MAML3: variants seen among roughly 807,000 people sequenced by gnomAD.
MAML3 encodes the protein mastermind-like protein 3.
Under a neutral mutation model 101.9 loss-of-function variants are expected in MAML3, and 27 were observed. The ratio of observed to expected loss-of-function variants is 0.27; its 90% confidence interval spans 0.20 to 0.37. The LOEUF (loss-of-function observed/expected upper bound fraction) is 0.37, where lower values mean the gene tolerates loss of function less well. Ranked by LOEUF, MAML3 falls within the 10% of genes least tolerant of loss-of-function variation. MAML3 has a pLI of 1.00. For missense variants in MAML3, 1,316 were observed against 1,444.9 expected (o/e 0.91, Z 1.45); for synonymous variants, 501 against 555.9 (o/e 0.90, Z 1.39).
intron 2 of MAML3, among the ~76,000 whole-genome samples, chr4:139,789,907 G>T (rs1448291934): frequency 6.6e-6 from 1 of 152,078 alleles, no homozygotes; most frequent in Non-Finnish European, 1.5e-5. Flanking sequence ...TGACTGAGAA[G>T]CTTGTGAACT....
At chr4:139,981,273 T>C (rs1734438600) in intron 1 of MAML3, among the ~76,000 whole-genome samples, 1 of 152,228 alleles carries the variant, frequency 6.6e-6, no homozygotes, top group Non-Finnish European at 1.5e-5. Context: ...ACACCAGACA[T>C]ATTGGCTTAG....
At chr4:140,118,052 T>C (rs937306965) in intron 1 of MAML3, among the ~76,000 whole-genome samples, 1 of 152,106 alleles carries the variant, frequency 6.6e-6, no homozygotes, top group Non-Finnish European at 1.5e-5. Context: ...ATGAGAATCA[T>C]GACACCCACA....
chr4:139,788,212 C>T (rs1287824298), intron 2 of MAML3, among the ~76,000 whole-genome samples: 1 of 152,184 alleles, frequency 6.6e-6, no homozygotes, highest in Non-Finnish European at 1.5e-5. Flanking sequence ...TAGCAGACAG[C>T]TCATTTTCCT....
intron 1 of MAML3, among the ~76,000 whole-genome samples, chr4:140,101,552 A>G (rs1728252329): frequency 6.6e-6 from 1 of 152,166 alleles, no homozygotes; most frequent in South Asian, 2.1e-4. Flanking sequence ...TCTACTCAGG[A>G]AGCCAGGAGA....
intron 1 of MAML3, among the ~76,000 whole-genome samples, chr4:140,045,181 G>A (rs1391483405): frequency 3.3e-5 from 5 of 152,146 alleles, no homozygotes; most frequent in Non-Finnish European, 7.3e-5. Context: ...GATCACCTGA[G>A]GTCAGGAGTT....
chr4:139,744,377 G>A (rs1397646896), intron 2 of MAML3, among the ~76,000 whole-genome samples: 1 of 152,064 alleles, frequency 6.6e-6, no homozygotes, highest in East Asian at 1.9e-4. Flanking sequence ...AAACAAATAA[G>A]CAAACAACCC....
At chr4:140,151,424 C>G (rs1405887989) in intron 1 of MAML3, among the ~76,000 whole-genome samples, 4 of 152,164 alleles carry the variant, frequency 2.6e-5, no homozygotes, top group Non-Finnish European at 5.9e-5. Flanking sequence ...GTCGCCTCCC[C>G]TCCCCCAAGC....
At chr4:140,095,606 G>A (rs1728143247) in intron 1 of MAML3, among the ~76,000 whole-genome samples, 1 of 151,766 alleles carries the variant, frequency 6.6e-6, no homozygotes, top group Admixed American at 6.6e-5. Context: ...TGCCCTTCTT[G>A]CCCCCTCTTC....
chr4:140,039,012 G>A (rs542620407), intron 1 of MAML3, among the ~76,000 whole-genome samples: 75 of 152,228 alleles, frequency 4.9e-4, no homozygotes, highest in Non-Finnish European at 1.1e-3. Context: ...CCAGCTACTC[G>A]GGAGGATGAG....
intron 2 of MAML3, among the ~76,000 whole-genome samples, chr4:139,763,427 A>C (rs879660559): frequency 6.6e-6 from 1 of 152,164 alleles, no homozygotes; most frequent in Non-Finnish European, 1.5e-5. Context: ...AGAAGTACGG[A>C]GCTAAAGAGG....
intron 2 of MAML3, among the ~76,000 whole-genome samples, chr4:139,800,398 T>C (rs946953217): frequency 2.6e-5 from 4 of 152,228 alleles, no homozygotes; most frequent in Admixed American, 2.6e-4. Context: ...GGACATAAAC[T>C]CCTGTGTATA....
At chr4:140,006,448 T>C (rs1353373685) in intron 1 of MAML3, among the ~76,000 whole-genome samples, 1 of 151,988 alleles carries the variant, frequency 6.6e-6, no homozygotes, top group Admixed American at 6.6e-5. Flanking sequence ...TAGCCAGGCA[T>C]GGTGGCGGGT....
At chr4:140,097,832 A>G (rs930067751) in intron 1 of MAML3, among the ~76,000 whole-genome samples, 50 of 152,206 alleles carry the variant, frequency 3.3e-4, no homozygotes, top group African/African-American at 1.1e-3. Context: ...AGTTACCACA[A>G]TATTTCCAAT....
chr4:140,126,729 C>A (rs1328642649), intron 1 of MAML3, among the ~76,000 whole-genome samples: 2 of 152,150 alleles, frequency 1.3e-5, no homozygotes, highest in Non-Finnish European at 2.9e-5. Context: ...ACCAGACATC[C>A]CTTCAGAATG....
chr4:139,721,405 T>C (rs1728228566), intron 4 of MAML3, among the ~76,000 whole-genome samples: 1 of 152,086 alleles, frequency 6.6e-6, no homozygotes, highest in Non-Finnish European at 1.5e-5. Flanking sequence ...AGAAGAAAAA[T>C]AGTTTTTTTC....
intron 2 of MAML3, among the ~76,000 whole-genome samples, chr4:139,837,301 C>T (rs1410154739): frequency 6.7e-6 from 1 of 150,206 alleles, no homozygotes; most frequent in Non-Finnish European, 1.5e-5. Flanking sequence ...TCGAGACCAT[C>T]CTGGCTAACA....
intron 1 of MAML3, among the ~76,000 whole-genome samples, chr4:140,122,854 T>A (rs150087800): frequency 1.4e-3 from 206 of 150,156 alleles, no homozygotes; most frequent in African/African-American, 4.6e-3. Flanking sequence ...TTAAAATAAA[T>A]CACACCAATA....
chr4:139,973,345 G>A (rs969086175), intron 1 of MAML3, among the ~76,000 whole-genome samples: 1 of 152,028 alleles, frequency 6.6e-6, no homozygotes, highest in African/African-American at 2.4e-5. Context: ...GGCTGAATTC[G>A]CTTTCCCTAC....
At chr4:140,027,295 CTGTT>C (rs1406690481) in intron 1 of MAML3, among the ~76,000 whole-genome samples, 1 of 152,242 alleles carries the variant, frequency 6.6e-6, no homozygotes, top group Non-Finnish European at 1.5e-5. Flanking sequence ...GCAGTCCTGA[CTGTT>C]CTCTTTAGAA....
Sources: gnomAD v4.1 joint callset for allele counts (sites outside exome capture counted in the v4.1 genomes callset) on GRCh38, gnomAD v4.1.1 for gene constraint, MANE v1.5 for transcripts, NCBI Gene and HGNC (gene_info 2026-07-23, HGNC 2026-07-21) for gene names.